The following PPARD variants were observed in gnomAD, a reference collection of about 807,000 sequenced individuals.
PPARD encodes peroxisome proliferator activated receptor delta.
A neutral mutation model predicts 39.5 loss-of-function variants in PPARD; 6 were observed. The observed-to-expected ratio is 0.15, with a 90% confidence interval of 0.08 to 0.30. The LOEUF (loss-of-function observed/expected upper bound fraction) is 0.30. PPARD is among the 10% of genes least tolerant of loss of function. The pLI is 1.00. For missense variants in PPARD, 397 were observed against 596.8 expected (o/e 0.67, Z 3.49); for synonymous variants, 210 against 231.3 (o/e 0.91, Z 0.83).
chr6:35,420,051 G>A (rs946676771), intron 3 of PPARD, 76 bp from the exon 4 acceptor site: 14 of 1,539,230 alleles, frequency 9.1e-6, no homozygotes, highest in Non-Finnish European at 1.2e-5. Flanking sequence ...TGAGGCGAGG[G>A]CTGTGGGGCT....
intron 2 of PPARD, among the ~76,000 whole-genome samples, chr6:35,362,998 G>A (rs1234450895): frequency 6.6e-6 from 1 of 152,148 alleles, no homozygotes. Context: ...CAGCTTCTTG[G>A]CATCTCCCTG....
At chr6:35,378,660 G>A (rs1168609030) in intron 2 of PPARD, among the ~76,000 whole-genome samples, 1 of 152,170 alleles carries the variant, frequency 6.6e-6, no homozygotes, top group Non-Finnish European at 1.5e-5. Flanking sequence ...ACTTCTGAAA[G>A]GCGCAGTTGC....
At chr6:35,388,326 T>C (rs1763802208) in intron 2 of PPARD, among the ~76,000 whole-genome samples, 2 of 152,210 alleles carry the variant, frequency 1.3e-5, no homozygotes, top group South Asian at 2.1e-4. Context: ...AGAGGCAGCA[T>C]CTGCAGAGGA....
intron 2 of PPARD, chr6:35,348,809 G>A (rs780946331): frequency 3.0e-6 from 3 of 985,438 alleles, no homozygotes; most frequent in Non-Finnish European, 2.4e-6. Flanking sequence ...AAGAAGGGGG[G>A]AGTTTCAGAG....
chr6:35,380,832 T>C (rs1401819240), intron 2 of PPARD, among the ~76,000 whole-genome samples: 1 of 152,182 alleles, frequency 6.6e-6, no homozygotes, highest in African/African-American at 2.4e-5. Context: ...TAACACTTAG[T>C]GCAGGAGCAA....
chr6:35,409,188 G>C (rs1765263490), intron 2 of PPARD, among the ~76,000 whole-genome samples: 1 of 152,014 alleles, frequency 6.6e-6, no homozygotes, highest in Admixed American at 6.5e-5. Context: ...ATTAAGTTTT[G>C]CCTTCTTATT....
Position 35,426,354 on chromosome 6 carries a change from T to C in PPARD, c.*275T>C. 2.0e-6 allele frequency: 1 copy of C among 511,914 alleles called. No individual in the cohort carries two copies. Among genetic ancestry groups the C allele is most frequent in the Non-Finnish European group, 3.5e-6 (1 of 286,228 alleles). The allele number at this position is 511,914 out of a possible 1,614,324, so 31.7% of individuals were successfully genotyped here. ...TGCTCTGTTTCTTCCTTTCTGTAGGTTTCTCTCTTCCCTTCTCCCTTGCCC... is the reference window on the plus strand; with the variant it reads ...TGCTCTGTTTCTTCCTTTCTGTAGGCTTCTCTCTTCCCTTCTCCCTTGCCC... On this transcript the variant is annotated 3_prime_UTR_variant, in exon 8 of 8. Transcript: ENST00000360694.
intron 2 of PPARD, among the ~76,000 whole-genome samples, chr6:35,379,764 T>C (rs1763035794): frequency 6.6e-6 from 1 of 152,260 alleles, no homozygotes; most frequent in Non-Finnish European, 1.5e-5. Flanking sequence ...GCTGGCACTG[T>C]TACAGACTGG....
At position 35,355,583 on chromosome 6, in the gene PPARD, TTTCTTC is replaced by T. The variant is rs1213702796; in HGVS notation, c.-102+8445_-102+8450del. Among the ~76,000 whole-genome samples, 617 of 107,420 alleles carry T rather than the reference TTTCTTC, an allele frequency of 5.7e-3. 15 individuals are homozygous for T. Among genetic ancestry groups the T allele is most frequent in the African/African-American group, 0.023 (453 of 19,788 alleles). 70.5% of individuals were successfully genotyped at this position (107,420 alleles called of 152,430 possible). On this transcript the variant is annotated intron_variant, in intron 2 of 7. Coordinates refer to ENST00000360694, the MANE Select transcript of PPARD (RefSeq NM_006238.5). ...AAAAAAAAAAAAAAAAAAAAAGTGC[TTTCTTC>T]TTCTTCTTCTTTTTTTTTTTTTTTT...
intron 2 of PPARD, among the ~76,000 whole-genome samples, chr6:35,395,493 G>A (rs1764261052): frequency 6.6e-6 from 1 of 152,158 alleles, no homozygotes; most frequent in Admixed American, 6.5e-5. Flanking sequence ...TACTTCCTGG[G>A]AGTGTTAGGA....
intron 2 of PPARD, among the ~76,000 whole-genome samples, chr6:35,365,560 C>T (rs377051854): frequency 5.3e-5 from 8 of 150,358 alleles, no homozygotes; most frequent in Non-Finnish European, 4.4e-5. Flanking sequence ...GGCATGATCT[C>T]GGCTTACTGC....
intron 2 of PPARD, among the ~76,000 whole-genome samples, chr6:35,384,837 G>GA (rs1232844992): frequency 1.2e-5 from 1 of 80,552 alleles, no homozygotes; most frequent in African/African-American, 6.7e-5. Context: ...AGGGAGGTGG[G>GA]GGGGTCAGCC....
chr6:35,414,768 C>T (rs867590241), intron 3 of PPARD, among the ~76,000 whole-genome samples: 16 of 152,104 alleles, frequency 1.1e-4, no homozygotes, highest in South Asian at 4.2e-4. Context: ...CCTGAGGGAC[C>T]CATAAGGACA....
At chr6:35,378,411 A>G (rs531897987) in intron 2 of PPARD, among the ~76,000 whole-genome samples, 2 of 152,340 alleles carry the variant, frequency 1.3e-5, no homozygotes, top group African/African-American at 4.8e-5. Context: ...AATGTGAATC[A>G]GTATGGCTGG....
rs1297002506 is a variant in PPARD, at chr6:35,412,267, C to G, written c.130+1050C>G. ...CTTCTTGCTTTCTCCCACCACTTCT[C>G]TCCTTACCCAAGTGCTGCAGGCCTG... On this transcript the variant is annotated intron_variant, in intron 3 of 7. Coordinates refer to ENST00000360694, the MANE Select transcript of PPARD (RefSeq NM_006238.5). This position sits in a 1 kb window ranked among gnomAD's most constrained non-coding sequence, Gnocchi z 4.1. Among the ~76,000 whole-genome samples the G allele has an allele frequency of 6.6e-6, 1 of 152,174 alleles. No homozygotes were observed. The highest frequency in any genetic ancestry group is 6.6e-5 in the Admixed American group (1 of 15,266).
chr6:35,403,518 A>T (rs964101543), intron 2 of PPARD, among the ~76,000 whole-genome samples: 1 of 151,806 alleles, frequency 6.6e-6, no homozygotes, highest in Non-Finnish European at 1.5e-5. Flanking sequence ...AACTCAGAAT[A>T]GTGTGGCTAA....
chr6:35,387,930 C>T (rs766698672), intron 2 of PPARD, among the ~76,000 whole-genome samples: 5 of 151,656 alleles, frequency 3.3e-5, no homozygotes, highest in Non-Finnish European at 7.4e-5. Context: ...CCATGTTGGC[C>T]AGGCTGGTTT....
intron 2 of PPARD, among the ~76,000 whole-genome samples, chr6:35,354,625 C>T (rs1761463944): frequency 6.6e-6 from 1 of 152,100 alleles, no homozygotes; most frequent in East Asian, 1.9e-4. Context: ...TGTTTTTTCA[C>T]TTTCAGTACA....
Position 35,392,968 on chromosome 6 carries a change from A to G in PPARD, c.-101-18019A>G, listed in dbSNP as rs79882801. On this transcript the variant is annotated intron_variant, in intron 2 of 7. Coordinates refer to ENST00000360694, the MANE Select transcript of PPARD (RefSeq NM_006238.5). ...GAAGCAGGAAATGGTGCTCCTTGTC[A>G]AGGTCATGTTGTCCTGTTGCTATAG... 6.4e-4 allele frequency among the ~76,000 whole-genome samples: 98 copies of G among 152,286 alleles called. 1 individual carries two copies. In the East Asian group the frequency reaches 0.015, roughly 23 times the overall value.
Sources: gnomAD v4.1 joint callset for allele counts (sites outside exome capture counted in the v4.1 genomes callset) on GRCh38, gnomAD v4.1.1 for gene constraint, Gnocchi (gnomAD v3.1) non-coding constraint, MANE v1.5 for transcripts, NCBI Gene and HGNC (gene_info 2026-07-23, HGNC 2026-07-21) for gene names.